The following FNIP2 variants were observed in gnomAD, a reference collection of about 807,000 sequenced individuals.
FNIP2 encodes the protein folliculin interacting protein 2.
FNIP2 carries 32 observed loss-of-function variants against 108.7 expected under a neutral mutation model. The observed-to-expected ratio is 0.29, with a 90% CI of 0.22 to 0.40. The LOEUF (loss-of-function observed/expected upper bound fraction) is 0.40. FNIP2 is among the 10% of genes least tolerant of loss of function. The pLI, the probability that FNIP2 is intolerant of heterozygous loss-of-function variation, is 1.00. For missense variants in FNIP2, 1,202 were observed against 1,381.6 expected (o/e 0.87, Z 2.06); for synonymous variants, 480 against 496.7 (o/e 0.97, Z 0.45).
rs373481897 is a variant in FNIP2, at chr4:158,801,113, T to TA, written c.108-24793dup. ...ATATTTAAGCTAACTTTGTGTGGATTAAAAAAAAAATCACTCTGCCTAGGA... is the reference window on the plus strand; with the variant it reads ...ATATTTAAGCTAACTTTGTGTGGATTAAAAAAAAAAATCACTCTGCCTAGGA... On this transcript the variant is annotated intron_variant, in intron 1 of 16. Coordinates refer to ENST00000264433, the MANE Select transcript of FNIP2 (RefSeq NM_020840.3). Among the ~76,000 whole-genome samples, 1,022 of 150,204 alleles carry TA rather than the reference T, an allele frequency of 6.8e-3. 7 individuals are homozygous for TA. Among genetic ancestry groups the TA allele is most frequent in the African/African-American group, 0.023 (939 of 41,030 alleles).
chr4:158,777,983 ATTCT>A (rs1560748752), intron 1 of FNIP2, among the ~76,000 whole-genome samples: 3 of 152,156 alleles, frequency 2.0e-5, no homozygotes, highest in Non-Finnish European at 1.5e-5. Flanking sequence ...AGGAAAAAAA[ATTCT>A]TTCCCTCAGA....
In FNIP2 at chr4:158,769,211, T is replaced by A. The variant is rs745748474; in HGVS notation, c.-2T>A. 1.4e-6 allele frequency: 2 copies of A among 1,426,842 alleles called. No individual in the cohort carries two copies. The highest frequency in any genetic ancestry group is 1.8e-6 in the Non-Finnish European group (2 of 1,084,054). The allele number at this position is 1,426,842 out of a possible 1,614,324, so 88.4% of individuals were successfully genotyped here. A position where few individuals can be genotyped will look rare whatever the true frequency, so the allele number is the denominator to read the frequency against. On this transcript the variant is annotated 5_prime_UTR_variant, in exon 1 of 17. Coordinates refer to ENST00000264433, the MANE Select transcript of FNIP2 (RefSeq NM_020840.3). ...CACGGCCGGAGCTGCGGCGGCGGCA[T>A]CATGGCCCCGACCCTGCTCCAGAAG...
At chr4:158,840,068 GGGTGT>G (rs1779038239) in intron 7 of FNIP2, among the ~76,000 whole-genome samples, 1 of 152,176 alleles carries the variant, frequency 6.6e-6, no homozygotes. Flanking sequence ...GAAGAGGGTT[GGGTGT>G]CAGCCATACT....
intron 16 of FNIP2, among the ~76,000 whole-genome samples, chr4:158,899,440 G>A (rs915552817): frequency 7.9e-5 from 12 of 152,004 alleles, no homozygotes; most frequent in East Asian, 1.9e-4. Context: ...ACCAGCTCCT[G>A]TACACTCTGG....
chr4:158,863,460 C>T (rs533071733), intron 12 of FNIP2, among the ~76,000 whole-genome samples: 4 of 152,296 alleles, frequency 2.6e-5, no homozygotes, highest in African/African-American at 9.6e-5. Flanking sequence ...TGCCACTGTG[C>T]GTTCCCCCTC....
chr4:158,894,170 CTTTTTT>C (rs5863337), intron 15 of FNIP2, among the ~76,000 whole-genome samples: 3 of 127,476 alleles, frequency 2.4e-5, no homozygotes, highest in Non-Finnish European at 3.4e-5. Flanking sequence ...AAAATGTTTT[CTTTTTT>C]TTTTTTTTTT....
chr4:158,815,806 A>G (rs1425330702), intron 1 of FNIP2, among the ~76,000 whole-genome samples: 1 of 152,144 alleles, frequency 6.6e-6, no homozygotes, highest in African/African-American at 2.4e-5. Flanking sequence ...GTAGCTTTCT[A>G]TACACAATAT....
At chr4:158,828,945 GAA>G in intron 2 of FNIP2, 132 bp from the exon 3 acceptor site, 3 of 628,132 alleles carry the variant, frequency 4.8e-6, no homozygotes, top group Admixed American at 3.8e-5. Flanking sequence ...CATTATTGGG[GAA>G]AAAAAAAAGC....
chr4:158,781,900 CT>C (rs1200443895), intron 1 of FNIP2, among the ~76,000 whole-genome samples: 1 of 150,732 alleles, frequency 6.6e-6, no homozygotes, highest in Non-Finnish European at 1.5e-5. Context: ...GTTTTTTTTT[CT>C]TTTTTTTAAT....
chr4:158,859,902 A>G (rs749382262), intron 10 of FNIP2, among the ~76,000 whole-genome samples: 1 of 152,184 alleles, frequency 6.6e-6, no homozygotes, highest in Non-Finnish European at 1.5e-5. Context: ...AACAGGATGA[A>G]TGGGGAAAAC....
chr4:158,845,285 T>A (rs1237002543), intron 7 of FNIP2, among the ~76,000 whole-genome samples: 1 of 152,262 alleles, frequency 6.6e-6, no homozygotes, highest in Non-Finnish European at 1.5e-5. Context: ...CTTTATCCAG[T>A]ACACAGAGTT....
At chr4:158,828,085 T>TA (rs1392400676) in intron 2 of FNIP2, among the ~76,000 whole-genome samples, 1 of 152,194 alleles carries the variant, frequency 6.6e-6, no homozygotes, top group Non-Finnish European at 1.5e-5. Context: ...AGGTAAATAT[T>TA]AATAAAGGTT....
intron 7 of FNIP2, among the ~76,000 whole-genome samples, chr4:158,845,260 C>G (rs1779337711): frequency 6.6e-6 from 1 of 152,150 alleles, no homozygotes; most frequent in South Asian, 2.1e-4. Flanking sequence ...AACTGAGGTA[C>G]CAATTGGAGA....
intron 1 of FNIP2, among the ~76,000 whole-genome samples, chr4:158,809,659 A>G (rs1320787364): frequency 6.6e-6 from 1 of 152,196 alleles, no homozygotes; most frequent in East Asian, 1.9e-4. Context: ...CTTGCCACAC[A>G]TATTTGTGAA....
At chr4:158,823,159 G>T (rs754290415) in intron 1 of FNIP2, among the ~76,000 whole-genome samples, 5 of 152,124 alleles carry the variant, frequency 3.3e-5, no homozygotes, top group Non-Finnish European at 7.4e-5. Flanking sequence ...TCATTTAAAA[G>T]AAAATGCAAG....
chr4:158,889,587 C>T (rs1782184537), intron 14 of FNIP2, among the ~76,000 whole-genome samples: 1 of 152,206 alleles, frequency 6.6e-6, no homozygotes, highest in South Asian at 2.1e-4. Context: ...CAATCCTCCT[C>T]CTCCCCTTGC....
rs185715438 is a variant in FNIP2, at chr4:158,803,782, A to G, written c.108-22134A>G. ...TCTCACTGATTGGAGTGATCCCAAG[A>G]TATTAAAAGCCTCTATGGGAGCTTT... On this transcript the variant is annotated intron_variant, in intron 1 of 16. Transcript: ENST00000264433. Among the ~76,000 whole-genome samples the G allele has an allele frequency of 4.3e-3, 661 of 152,348 alleles. 3 individuals carry two copies. The highest frequency in any genetic ancestry group is 8.0e-3 in the Non-Finnish European group (547 of 68,030).
intron 1 of FNIP2, among the ~76,000 whole-genome samples, chr4:158,782,209 G>A (rs1450143465): frequency 6.6e-6 from 1 of 151,722 alleles, no homozygotes; most frequent in East Asian, 1.9e-4. Context: ...GTGGATTGGT[G>A]GAGCAGCTTG....
chr4:158,786,485 G>A (rs1312815263), intron 1 of FNIP2, among the ~76,000 whole-genome samples: 1 of 152,184 alleles, frequency 6.6e-6, no homozygotes, highest in Non-Finnish European at 1.5e-5. Context: ...AGATTTACTA[G>A]TGCACAGGTC....
Sources: gnomAD v4.1 joint callset for allele counts (sites outside exome capture counted in the v4.1 genomes callset) on GRCh38, gnomAD v4.1.1 for gene constraint, MANE v1.5 for transcripts, NCBI Gene and HGNC (gene_info 2026-07-23, HGNC 2026-07-21) for gene names.